The following DOCK9 variants were observed in gnomAD, a reference collection of about 807,000 sequenced individuals.
DOCK9 encodes the protein dedicator of cytokinesis protein 9.
A neutral mutation model predicts 263.3 loss-of-function variants in DOCK9; 89 were observed. The observed-to-expected ratio is 0.34, with a 90% confidence interval of 0.28 to 0.40. The LOEUF is 0.40. Among genes scored for constraint, DOCK9 ranks in the 10% least tolerant of loss-of-function variants. The pLI is 1.00. For synonymous variants in DOCK9, 976 were observed against 973.1 expected (o/e 1.00, Z -0.06); for missense variants, 2,140 against 2,603.4 (o/e 0.82, Z 3.87).
chr13:98,813,088 A>T (rs1363544520), intron 45 of DOCK9, among the ~76,000 whole-genome samples: 1 of 152,242 alleles, frequency 6.6e-6, no homozygotes, highest in African/African-American at 2.4e-5. Flanking sequence ...TAATTTTTGT[A>T]TACTAATCTT....
rs879444282 is a variant in DOCK9, at chr13:98,962,637, TAAA to T, written c.127-7089_127-7087del. On this transcript the variant is annotated intron_variant, in intron 1 of 52. Transcript: ENST00000682017. ...AATATGTTGCTTGCATGATAGGTTT[TAAA>T]AAAAAAAAAAAGAAAAAAAAACTTT... is the stretch of plus-strand genomic sequence containing the variant. 3.1e-4 allele frequency among the ~76,000 whole-genome samples: 39 copies of T among 127,262 alleles called. 1 individual carries two copies. The highest frequency in any genetic ancestry group is 1.1e-3 in the East Asian group (4 of 3,770). 83.5% of individuals were successfully genotyped at this position (127,262 alleles called of 152,430 possible).
intron 1 of DOCK9, among the ~76,000 whole-genome samples, chr13:99,007,306 T>C (rs1186037641): frequency 6.6e-6 from 1 of 152,000 alleles, no homozygotes; most frequent in Non-Finnish European, 1.5e-5. Flanking sequence ...AAGAATTGCT[T>C]GAACCCAGGA....
intron 36 of DOCK9, 36 bp downstream of exon 36, chr13:98,850,011 A>G (rs2093515908): frequency 6.2e-6 from 9 of 1,459,184 alleles, no homozygotes; most frequent in Non-Finnish European, 7.5e-6. Flanking sequence ...TCCAGGAAAA[A>G]ATCAAGAGGC....
intron 9 of DOCK9, among the ~76,000 whole-genome samples, chr13:98,910,187 A>T (rs2139733779): frequency 6.6e-6 from 1 of 152,336 alleles, no homozygotes; most frequent in African/African-American, 2.4e-5. Context: ...CAGAGAAATA[A>T]ATTATTAAAT....
intron 45 of DOCK9, among the ~76,000 whole-genome samples, chr13:98,815,544 G>C (rs192303453): frequency 2.0e-4 from 30 of 152,074 alleles, no homozygotes; most frequent in African/African-American, 7.0e-4. Context: ...GCAGTGGCAC[G>C]ATCTTGGCTC....
At chr13:99,038,597 C>A (rs1040397297) in intron 1 of DOCK9, among the ~76,000 whole-genome samples, 2 of 152,070 alleles carry the variant, frequency 1.3e-5, no homozygotes, top group Non-Finnish European at 2.9e-5. Context: ...TGAGCCACCA[C>A]GTCCGGCTTA....
intron 50 of DOCK9, among the ~76,000 whole-genome samples, chr13:98,799,726 T>C (rs1191482444): frequency 6.6e-6 from 1 of 152,146 alleles, no homozygotes; most frequent in Non-Finnish European, 1.5e-5. Context: ...GACCTGGATG[T>C]GGATGCTGAG....
rs1207988519 is a variant in DOCK9 at position 98,829,130 on chromosome 13, T to G, written c.4965+177A>C. 1.3e-5 allele frequency among the ~76,000 whole-genome samples: 2 copies of G among 152,218 alleles called. No homozygotes were observed. Among genetic ancestry groups the G allele is most frequent in the Non-Finnish European group, 2.9e-5 (2 of 68,040 alleles). On this transcript the variant is annotated intron_variant, in intron 43 of 52. Transcript: ENST00000682017. The surrounding 1 kb of genome is among the most constrained non-coding windows in gnomAD (Gnocchi z 4.1). Reference sequence around the variant, plus strand: ...TAACCCCTTACAATTTGTTTTAAATTATTAAAATGCTCAGCTAACTATGAA... The same window carrying G: ...TAACCCCTTACAATTTGTTTTAAATGATTAAAATGCTCAGCTAACTATGAA...
chr13:98,826,188 C>G (rs542329771), intron 44 of DOCK9, among the ~76,000 whole-genome samples: 1 of 152,124 alleles, frequency 6.6e-6, no homozygotes, highest in African/African-American at 2.4e-5. Flanking sequence ...ATGTAACTCA[C>G]GCAGACTACC....
chr13:98,886,733 C>T, intron 18 of DOCK9, 109 bp from the exon 19 acceptor site: 1 of 1,015,820 alleles, frequency 9.8e-7, no homozygotes, highest in Admixed American at 2.2e-5. Flanking sequence ...CTTAGCATCG[C>T]CACCTCTGAT....
At chr13:98,950,171 G>C (rs1165910655) in intron 2 of DOCK9, 1 of 786,002 alleles carries the variant, frequency 1.3e-6, no homozygotes, top group African/African-American at 1.7e-5. Context: ...TTAATTCTTT[G>C]GATGCGTAAA....
chr13:98,949,127 C>T (rs1373952387), intron 2 of DOCK9, among the ~76,000 whole-genome samples: 1 of 152,178 alleles, frequency 6.6e-6, no homozygotes, highest in Non-Finnish European at 1.5e-5. Context: ...GGCTGGACCG[C>T]AGCAGCACAA....
chr13:99,081,691 T>C (rs1007699015), intron 1 of DOCK9, among the ~76,000 whole-genome samples: 1 of 152,222 alleles, frequency 6.6e-6, no homozygotes, highest in Non-Finnish European at 1.5e-5. Context: ...CCATCTTTAA[T>C]ACATCTGAAA....
At chr13:98,854,801 C>A (rs1162078338) in intron 34 of DOCK9, 2 of 152,206 alleles carry the variant, frequency 1.3e-5, no homozygotes. Context: ...CACACCCAAA[C>A]TGAGCTGCTC....
At chr13:98,905,400 G>C (rs975117868) in intron 9 of DOCK9, among the ~76,000 whole-genome samples, 4 of 152,118 alleles carry the variant, frequency 2.6e-5, no homozygotes, top group Non-Finnish European at 4.4e-5. Context: ...AGTACAGTGG[G>C]AGCTGACTTG....
intron 1 of DOCK9, among the ~76,000 whole-genome samples, chr13:98,967,304 C>T (rs2059308916): frequency 6.6e-6 from 1 of 152,202 alleles, no homozygotes; most frequent in African/African-American, 2.4e-5. Context: ...GGGGACCACA[C>T]ATAGTTATGT....
intron 1 of DOCK9, among the ~76,000 whole-genome samples, chr13:98,986,877 TA>T (rs1401763187): frequency 1.3e-5 from 2 of 152,100 alleles, no homozygotes; most frequent in Non-Finnish European, 2.9e-5. Context: ...ATGCTACAAA[TA>T]AAGGTGACTA....
At chr13:98,843,407 C>A (rs1021019773) in intron 38 of DOCK9, among the ~76,000 whole-genome samples, 4 of 152,132 alleles carry the variant, frequency 2.6e-5, no homozygotes, top group Non-Finnish European at 5.9e-5. Context: ...ACAGTATGCA[C>A]TCCCTTCTCT....
chr13:98,818,539 G>T (rs1033401195), intron 45 of DOCK9, among the ~76,000 whole-genome samples: 1 of 152,048 alleles, frequency 6.6e-6, no homozygotes, highest in Non-Finnish European at 1.5e-5. Flanking sequence ...TAAATTCCAA[G>T]ATATTTTTTC....
Sources: gnomAD v4.1 joint callset for allele counts (sites outside exome capture counted in the v4.1 genomes callset) on GRCh38, gnomAD v4.1.1 for gene constraint, Gnocchi (gnomAD v3.1) non-coding constraint, MANE v1.5 for transcripts, NCBI Gene and HGNC (gene_info 2026-07-23, HGNC 2026-07-21) for gene names.